Variants in WDR27 observed in about 807,000 individuals in gnomAD.
The protein encoded by WDR27 is WD repeat-containing protein 27.
A neutral mutation model predicts 114.4 loss-of-function variants in WDR27; 100 were observed. That is an observed-to-expected ratio of 0.87 (90% confidence interval 0.74 to 1.03). The LOEUF (loss-of-function observed/expected upper bound fraction) is 1.03, where lower values mean the gene tolerates loss of function less well. Among genes scored for constraint, WDR27 ranks in the 50% least tolerant of loss-of-function variants. WDR27 has a pLI of 0.00. For missense variants in WDR27, 1,129 were observed against 1,092.9 expected, an observed-to-expected ratio of 1.03 and a Z score of -0.47; for synonymous variants, 449 against 423.1, an observed-to-expected ratio of 1.06 and a Z score of -0.75.
chr6:169,665,257 G>T, intron 7 of WDR27: 1 of 1,299,120 alleles, frequency 7.7e-7, no homozygotes. Context: ...ACCACGCATG[G>T]AGCTCTGGGA....
At chr6:169,586,847 C>CAAAA (rs3029697) in intron 23 of WDR27, among the ~76,000 whole-genome samples, 410 of 32,048 alleles carry the variant, frequency 0.013, 103 homozygotes, top group African/African-American at 0.025. Context: ...GACTCTGTCT[C>CAAAA]AAAAAAAAAA....
At chr6:169,472,859 T>A (rs559128995) in intron 25 of WDR27, among the ~76,000 whole-genome samples, 1 of 152,334 alleles carries the variant, frequency 6.6e-6, no homozygotes, top group South Asian at 2.1e-4. Flanking sequence ...ACATGTCAAA[T>A]TTAAAATTTC....
intron 23 of WDR27, among the ~76,000 whole-genome samples, chr6:169,599,141 C>G (rs1384541244): frequency 1.3e-5 from 2 of 149,036 alleles, no homozygotes; most frequent in Non-Finnish European, 1.5e-5. Context: ...CTCCCCCCTC[C>G]CCCCACACCA....
chr6:169,540,851 C>T (rs1483736456), intron 25 of WDR27, among the ~76,000 whole-genome samples: 1 of 152,134 alleles, frequency 6.6e-6, no homozygotes, highest in Non-Finnish European at 1.5e-5. Flanking sequence ...CTCCATCACT[C>T]TCCTGGGTTA....
chr6:169,507,604 A>T (rs1792175744), intron 25 of WDR27, among the ~76,000 whole-genome samples: 1 of 152,212 alleles, frequency 6.6e-6, no homozygotes, highest in South Asian at 2.1e-4. Context: ...AAACCCCACC[A>T]GCCTTCCCTG....
intron 3 of WDR27, 118 bp downstream of exon 3, chr6:169,672,137 A>AC (rs1295177305): frequency 1.9e-5 from 20 of 1,048,650 alleles, no homozygotes; most frequent in Admixed American, 3.0e-5. Context: ...ATTATCCCAA[A>AC]CCCCCCGAGG....
chr6:169,651,186 G>A (rs1326471041), intron 14 of WDR27, among the ~76,000 whole-genome samples: 3 of 114,290 alleles, frequency 2.6e-5, no homozygotes, highest in African/African-American at 4.0e-5. Flanking sequence ...TGCGGGGCGG[G>A]GGGGGGGAGT....
chr6:169,556,749 C>T (rs756317947), intron 25 of WDR27, among the ~76,000 whole-genome samples: 51 of 152,166 alleles, frequency 3.4e-4, no homozygotes, highest in Non-Finnish European at 6.8e-4. Context: ...AAGAAAAGTT[C>T]TATAATTCAA....
intron 25 of WDR27, among the ~76,000 whole-genome samples, chr6:169,565,934 G>A (rs1374891997): frequency 6.6e-6 from 1 of 152,354 alleles, no homozygotes; most frequent in East Asian, 1.9e-4. Flanking sequence ...GTGAGCCACT[G>A]CACCTATAGC....
At chr6:169,433,879 T>C in the WDR27 span, among the ~76,000 whole-genome samples, 1 of 152,272 alleles carries the variant, frequency 6.6e-6, no homozygotes, top group East Asian at 1.9e-4. Flanking sequence ...GTTGGCCACA[T>C]AAATGTCTTC....
intron 13 of WDR27, among the ~76,000 whole-genome samples, chr6:169,652,293 G>A (rs1822807989): frequency 6.6e-6 from 1 of 152,214 alleles, no homozygotes. Context: ...CTATCGCTAA[G>A]GCTGGACTGC....
At chr6:169,498,049 T>C (rs983836464) in intron 25 of WDR27, among the ~76,000 whole-genome samples, 8 of 152,054 alleles carry the variant, frequency 5.3e-5, no homozygotes, top group Non-Finnish European at 1.5e-5. Context: ...ACATGGTATA[T>C]CCATACACAA....
intron 22 of WDR27, among the ~76,000 whole-genome samples, chr6:169,605,321 A>G (rs1808917236): frequency 6.6e-6 from 1 of 151,830 alleles, no homozygotes; most frequent in Admixed American, 6.6e-5. Flanking sequence ...ATACATCAAT[A>G]ATGATTTAGC....
Position 169,651,942 on chromosome 6 carries a change from G to A in WDR27, c.1469C>T (p.Ala490Val), listed in dbSNP as rs758862773. The change falls in exon 14 of 26, where the codon GCG becomes GTG. Residue 490 changes from alanine (A) to valine (V), a missense_variant. Physicochemically the swap from Ala to Val is moderately conservative, Grantham distance 64. Transcript: ENST00000448612. ...TGAGTTCACTCACTGTGGTGCTGACGCATAACCAGATGACCTAACTTTACT... is the reference window on the plus strand; with the variant it reads ...TGAGTTCACTCACTGTGGTGCTGACACATAACCAGATGACCTAACTTTACT... ...FHSKVRSSGY[A>V]SAPHVTMFSP... 22 of 1,613,490 alleles carry A rather than the reference G, an allele frequency of 1.4e-5. No homozygotes were observed. Among genetic ancestry groups the A allele is most frequent in the African/African-American group, 9.3e-5 (7 of 74,886 alleles).
rs775656642 is a variant in WDR27, at chr6:169,688,800, TG to T, written c.189+16del. The T allele has an allele frequency of 8.6e-5, 136 of 1,581,268 alleles. No homozygotes were observed. Among genetic ancestry groups the T allele is most frequent in the Non-Finnish European group, 1.1e-4 (129 of 1,163,808 alleles). Reference sequence around the variant, plus strand: ...GGCAAGGCCTTCATGACACTGGACATGTAACTCGTTCAATACCTGATGAGAA... The same window carrying T: ...GGCAAGGCCTTCATGACACTGGACATTAACTCGTTCAATACCTGATGAGAA... On this transcript the variant is annotated intron_variant, in intron 2 of 25. Coordinates refer to ENST00000448612, the MANE Select transcript of WDR27 (RefSeq NM_182552.5).
intron 2 of WDR27, among the ~76,000 whole-genome samples, chr6:169,683,955 T>A (rs1232166299): frequency 6.6e-6 from 1 of 152,138 alleles, no homozygotes; most frequent in Non-Finnish European, 1.5e-5. Flanking sequence ...CACAGCACCA[T>A]CTTGAGACCA....
At chr6:169,465,260 A>C (rs1785420247) in intron 25 of WDR27, among the ~76,000 whole-genome samples, 3 of 9,188 alleles carry the variant, frequency 3.3e-4, no homozygotes, top group African/African-American at 2.3e-3. Flanking sequence ...CTCCATCTCA[A>C]AAAAAAAAAA....
At position 169,578,622 on chromosome 6, in the gene WDR27, A is replaced by G. The variant is rs118159936; in HGVS notation, c.2523+4214T>C. Among the ~76,000 whole-genome samples the G allele has an allele frequency of 6.1e-4, 93 of 152,304 alleles. 1 individual carries two copies. The South Asian group carries it at 0.018, about 29-fold the overall frequency. On this transcript the variant is annotated intron_variant, in intron 24 of 25. Transcript: ENST00000448612. Reference sequence around the variant, plus strand: ...TGCTGGTGCAAACTCTGAACTGCATATAAATTGATCTGTCTGGATCACTCA... The same window carrying G: ...TGCTGGTGCAAACTCTGAACTGCATGTAAATTGATCTGTCTGGATCACTCA...
rs1332809338 is a variant in WDR27, at chr6:169,644,735, C to T, written c.1658-949G>A. ...ACACTGTAGAAAATCCTAGGCCGGG[C>T]GCGGTGGCTCACGCCTGTAATCCCA... On this transcript the variant is annotated intron_variant, in intron 16 of 25. Coordinates refer to ENST00000448612, the MANE Select transcript of WDR27 (RefSeq NM_182552.5). Among the ~76,000 whole-genome samples, 3 of 119,966 alleles carry T rather than the reference C, an allele frequency of 2.5e-5. 1 individual carries two copies. Among genetic ancestry groups the T allele is most frequent in the African/African-American group, 7.6e-5 (2 of 26,144 alleles). 78.7% of individuals were successfully genotyped at this position (119,966 alleles called of 152,430 possible).
Sources: allele counts gnomAD v4.1 joint callset (sites outside exome capture counted in the v4.1 genomes callset), GRCh38; gene constraint gnomAD v4.1.1; transcripts MANE v1.5; gene names NCBI Gene and HGNC (gene_info 2026-07-23, HGNC 2026-07-21).